HMCN2: variants seen among roughly 807,000 people sequenced by gnomAD.
The protein encoded by HMCN2 is hemicentin 2, also known as hemicentin-2.
Under a neutral mutation model 377.5 loss-of-function variants are expected in HMCN2, and 325 were observed. That is an observed-to-expected ratio of 0.86 (90% confidence interval 0.79 to 0.94). HMCN2 has a LOEUF of 0.94. HMCN2 is among the 40% of genes least tolerant of loss of function. HMCN2 has a pLI of 0.00. For missense variants in HMCN2, 4,543 were observed against 4,725.3 expected, an observed-to-expected ratio of 0.96 and a Z score of 1.13; for synonymous variants, 2,007 against 2,046.8, an observed-to-expected ratio of 0.98 and a Z score of 0.53.
At chr9:130,332,600 C>CT (rs1207273245) in intron 22 of HMCN2, among the ~76,000 whole-genome samples, 2 of 152,236 alleles carry the variant, frequency 1.3e-5, no homozygotes, top group African/African-American at 4.8e-5. Flanking sequence ...TGCGATGGCG[C>CT]TGGCTCCGTC....
intron 73 of HMCN2, 34 bp from the exon 74 acceptor site, chr9:130,397,494 T>G (rs1842662747): frequency 7.8e-7 from 1 of 1,288,384 alleles, no homozygotes; most frequent in Non-Finnish European, 1.0e-6. Flanking sequence ...CCCACTGGCT[T>G]GCTCATCTCC....
chr9:130,349,583 A>G lies in HMCN2; in HGVS notation c.4350A>G (p.Gly1450=). 7.7e-7 allele frequency: 1 copy of G among 1,303,846 alleles called. No homozygotes were observed. The highest frequency in any genetic ancestry group is 1.0e-6 in the Non-Finnish European group (1 of 988,882). The allele number at this position is 1,303,846 out of a possible 1,614,324, so 80.8% of individuals were successfully genotyped here. A position where few individuals can be genotyped will look rare whatever the true frequency, so the allele number is the denominator to read the frequency against. ...LGAGAAQEVL[G]LAGADVELQC... ...CCGGGGCCGCTCAGGAGGTGCTAGG[A>G]TTGGCCGGTGCAGACGTGGAGCTGC... Residue 1450 remains glycine, a synonymous_variant, in exon 29 of 98, where the codon GGA becomes GGG. Coordinates refer to ENST00000683500, the MANE Select transcript of HMCN2 (RefSeq NM_001291815.2).
chr9:130,429,470 C>T, intron 93 of HMCN2, 87 bp from the exon 94 acceptor site: 1 of 1,498,762 alleles, frequency 6.7e-7, no homozygotes, highest in Non-Finnish European at 9.0e-7. Flanking sequence ...AGGGAGGAGG[C>T]CCAGATATGG....
intron 1 of HMCN2, among the ~76,000 whole-genome samples, chr9:130,279,872 T>A (rs189638284): frequency 1.4e-4 from 22 of 152,330 alleles, no homozygotes; most frequent in African/African-American, 5.3e-4. Context: ...AGGGAGATTG[T>A]CCTGGATTAT....
chr9:130,369,957 C>A lies in HMCN2; in HGVS notation c.7069+106C>A. The A allele has an allele frequency of 1.6e-6, 1 of 636,128 alleles. No individual in the cohort carries two copies. Among genetic ancestry groups the A allele is most frequent in the South Asian group, 6.9e-5 (1 of 14,442 alleles). The allele number at this position is 636,128 out of a possible 1,614,324, so 39.4% of individuals were successfully genotyped here. A position where few individuals can be genotyped will look rare whatever the true frequency, so the allele number is the denominator to read the frequency against. On this transcript the variant is annotated intron_variant, in intron 45 of 97. Transcript: ENST00000683500. This position sits in a 1 kb window ranked among gnomAD's most constrained non-coding sequence, Gnocchi z 4.5. ...CTCAGGCTGTGATCCTGGGGTCACA[C>A]CTGTTCTTTCTGGAGTCAGGGCTCT... is the stretch of plus-strand genomic sequence containing the variant.
chr9:130,322,541 A>T (rs1411097987), intron 19 of HMCN2, among the ~76,000 whole-genome samples: 1 of 152,110 alleles, frequency 6.6e-6, no homozygotes, highest in Non-Finnish European at 1.5e-5. Context: ...TAATAAGGGG[A>T]TGATCATGTC....
intron 1 of HMCN2, among the ~76,000 whole-genome samples, chr9:130,269,028 G>A (rs1468553175): frequency 2.7e-5 from 4 of 148,428 alleles, no homozygotes; most frequent in Non-Finnish European, 6.0e-5. Context: ...GAAACGGGTT[G>A]TAGCTGTTTG....
chr9:130,428,601 G>T lies in HMCN2; in HGVS notation c.14197+112G>T. 1 of 1,391,384 alleles carries T rather than the reference G, an allele frequency of 7.2e-7. No homozygotes were observed. The highest frequency in any genetic ancestry group is 1.4e-5 in the South Asian group (1 of 71,664). 86.2% of individuals were successfully genotyped at this position (1,391,384 alleles called of 1,614,324 possible). A position where few individuals can be genotyped will look rare whatever the true frequency, so the allele number is the denominator to read the frequency against. On this transcript the variant is annotated intron_variant, in intron 93 of 97. Coordinates refer to ENST00000683500, the MANE Select transcript of HMCN2 (RefSeq NM_001291815.2). The surrounding 1 kb of genome is among the most constrained non-coding windows in gnomAD (Gnocchi z 5.0). ...TGGGCTCTGGGCTTCCAGGAAGACT[G>T]GGACTCTTGGCAGAAGGAGTACAGC...
chr9:130,390,417 G>A (rs1353384815), intron 62 of HMCN2, among the ~76,000 whole-genome samples: 1 of 152,242 alleles, frequency 6.6e-6, no homozygotes, highest in Non-Finnish European at 1.5e-5. Context: ...CTGGACATGG[G>A]GCAGTTGCTC....
At chr9:130,333,632 G>GTTCCT (rs1318492240) in intron 22 of HMCN2, among the ~76,000 whole-genome samples, 2 of 152,234 alleles carry the variant, frequency 1.3e-5, no homozygotes, top group Non-Finnish European at 2.9e-5. Flanking sequence ...ACAGCAGCCT[G>GTTCCT]TTCCTCGGAG....
chr9:130,391,418 C>T (rs527973743), intron 64 of HMCN2, 32 bp from the exon 65 acceptor site: 1 of 987,910 alleles, frequency 1.0e-6, no homozygotes, highest in Non-Finnish European at 1.2e-6. Context: ...TTCCCTTACG[C>T]CTCTGCCCTG....
rs898224479 is a variant in HMCN2, at chr9:130,386,428, C to T, written c.9310-15C>T. ...AGCTCCAGCACACAGCCACTGTGTG[C>T]TCTTCCTCTTTCAGGTATCGGATAA... is the stretch of plus-strand genomic sequence containing the variant. On this transcript the variant is annotated splice_polypyrimidine_tract_variant and intron_variant, in intron 60 of 97. Coordinates refer to ENST00000683500, the MANE Select transcript of HMCN2 (RefSeq NM_001291815.2). 98 of 1,301,092 alleles carry T rather than the reference C, an allele frequency of 7.5e-5. No individual in the cohort carries two copies. In the Admixed American group the frequency reaches 2.2e-3, roughly 29 times the overall value. 80.6% of individuals were successfully genotyped at this position (1,301,092 alleles called of 1,614,324 possible). A position where few individuals can be genotyped will look rare whatever the true frequency, so the allele number is the denominator to read the frequency against.
chr9:130,432,408 T>G (rs546588894), intron 96 of HMCN2, 21 bp from the exon 97 acceptor site: 2 of 1,550,804 alleles, frequency 1.3e-6, no homozygotes, highest in African/African-American at 2.7e-5. Context: ...CCTCCCCCGC[T>G]TCACCAACTT....
In HMCN2 at chr9:130,400,859, C is replaced by G. The variant is rs1002450895; in HGVS notation, c.11682C>G (p.Ser3894Arg). 18 of 1,289,696 alleles carry G rather than the reference C, an allele frequency of 1.4e-5. No homozygotes were observed. In the African/African-American group the frequency reaches 2.7e-4, roughly 20 times the overall value. The allele number at this position is 1,289,696 out of a possible 1,614,324, so 79.9% of individuals were successfully genotyped here. The part of the protein sequence containing the change: ...MMAPVVLTCH[S>R]TGIPAPTVSW... ...CACCTGTGGTCCTCACATGTCACAG[C>G]ACGGGTATACCAGCTCCGACCGTGT... The change falls in exon 77 of 98, where the codon AGC becomes AGG. Residue 3894 changes from serine (S) to arginine (R), a missense_variant. Physicochemically the swap from Ser to Arg is moderately radical, Grantham distance 110. Transcript: ENST00000683500.
At chr9:130,401,037 T>C in intron 77 of HMCN2, 90 bp downstream of exon 77, 1 of 1,119,488 alleles carries the variant, frequency 8.9e-7, no homozygotes, top group Non-Finnish European at 1.2e-6. Context: ...CGGAATAGGA[T>C]GGAACTATCT....
chr9:130,353,857 G>A (rs1378127016), intron 31 of HMCN2, among the ~76,000 whole-genome samples: 18 of 152,140 alleles, frequency 1.2e-4, no homozygotes, highest in Admixed American at 7.9e-4. Context: ...GCAGGGCCCC[G>A]GTGAAGTGTG....
chr9:130,389,649 ACTG>A (rs1842202247), intron 62 of HMCN2, among the ~76,000 whole-genome samples: 2 of 150,862 alleles, frequency 1.3e-5, no homozygotes, highest in Non-Finnish European at 2.9e-5. Context: ...ATCTCGGCTC[ACTG>A]CAACCTCTGC....
At chr9:130,327,677 G>T (rs1402154866) in intron 22 of HMCN2, among the ~76,000 whole-genome samples, 1 of 152,210 alleles carries the variant, frequency 6.6e-6, no homozygotes, top group Admixed American at 6.5e-5. Context: ...GGAAGCCCAG[G>T]GTGAGACTCC....
intron 1 of HMCN2, among the ~76,000 whole-genome samples, chr9:130,271,225 A>T (rs1554921031): frequency 6.7e-6 from 1 of 148,596 alleles, no homozygotes; most frequent in Non-Finnish European, 1.5e-5. Context: ...TCCACTATAG[A>T]GTTACTCTTT....
Sources: gnomAD v4.1 joint callset for allele counts (sites outside exome capture counted in the v4.1 genomes callset) on GRCh38, gnomAD v4.1.1 for gene constraint, Gnocchi (gnomAD v3.1) non-coding constraint, MANE v1.5 for transcripts, NCBI Gene and HGNC (gene_info 2026-07-23, HGNC 2026-07-21) for gene names.